The following CYYR1 variants were observed in gnomAD, a reference collection of about 807,000 sequenced individuals.
CYYR1 encodes cysteine and tyrosine rich 1.
Under a neutral mutation model 15.2 loss-of-function variants are expected in CYYR1, and 14 were observed. The ratio of observed to expected loss-of-function variants is 0.92; its 90% confidence interval spans 0.61 to 1.44. CYYR1 has a LOEUF of 1.44. CYYR1 is among the 40% of genes most tolerant of loss of function. The pLI is 0.00. For synonymous variants in CYYR1, 80 were observed against 77.4 expected, an observed-to-expected ratio of 1.03 and a Z score of -0.18; for missense variants, 228 against 209.5, an observed-to-expected ratio of 1.09 and a Z score of -0.54.
chr21:26,553,391 G>T (rs2123691166), intron 2 of CYYR1, among the ~76,000 whole-genome samples: 1 of 152,018 alleles, frequency 6.6e-6, no homozygotes, highest in East Asian at 1.9e-4. Flanking sequence ...ACCAAACTTG[G>T]GATTTTTTTA....
intron 2 of CYYR1, among the ~76,000 whole-genome samples, chr21:26,520,113 G>GAGATATATATATAT (rs1555908328): frequency 8.3e-6 from 1 of 120,670 alleles, no homozygotes; most frequent in African/African-American, 3.4e-5. Flanking sequence ...AAACCCAGGA[G>GAGATATATATATAT]ATATATATAT....
At chr21:26,518,705 C>G (rs1361435113) in intron 2 of CYYR1, 2 of 152,200 alleles carry the variant, frequency 1.3e-5, no homozygotes, top group Admixed American at 1.3e-4. Flanking sequence ...TTGATGGCAG[C>G]TCCATCATTT....
At chr21:26,513,125 C>T (rs563379662) in intron 2 of CYYR1, among the ~76,000 whole-genome samples, 1 of 152,322 alleles carries the variant, frequency 6.6e-6, no homozygotes, top group Admixed American at 6.5e-5. Context: ...GAAAGCCTAG[C>T]TCAAATGTTG....
At chr21:26,571,827 T>C (rs1316884017) in intron 1 of CYYR1, among the ~76,000 whole-genome samples, 2 of 152,212 alleles carry the variant, frequency 1.3e-5, no homozygotes. Context: ...GTCAGCATTT[T>C]TCCTGCCATA....
chr21:26,483,957 G>T (rs2065217780), intron 2 of CYYR1, among the ~76,000 whole-genome samples: 1 of 151,956 alleles, frequency 6.6e-6, no homozygotes, highest in Non-Finnish European at 1.5e-5. Context: ...TGGGTAAATA[G>T]GTCCTTATTC....
intron 1 of CYYR1, among the ~76,000 whole-genome samples, chr21:26,569,499 C>A (rs1373123823): frequency 6.6e-6 from 1 of 152,072 alleles, no homozygotes; most frequent in African/African-American, 2.4e-5. Context: ...GTATTCAATA[C>A]CTGGGTGACG....
At position 26,478,703 on chromosome 21, in the gene CYYR1, G is replaced by A. The variant is rs369768334; in HGVS notation, c.334+1569C>T. ...GAGAATAGACCCCAGGGGGCAAAGG[G>A]TGGATGCTGGGAGACCAGCCAGGAT... On this transcript the variant is annotated intron_variant, in intron 3 of 3. Coordinates refer to ENST00000652641, the MANE Select transcript of CYYR1 (RefSeq NM_001320768.2). 5.3e-5 allele frequency among the ~76,000 whole-genome samples: 8 copies of A among 152,246 alleles called. No individual in the cohort carries two copies. The East Asian group carries it at 9.7e-4, about 18-fold the overall frequency.
chr21:26,505,421 C>G (rs2065543451), intron 2 of CYYR1, among the ~76,000 whole-genome samples: 1 of 152,208 alleles, frequency 6.6e-6, no homozygotes, highest in Admixed American at 6.5e-5. Flanking sequence ...GCTTTGATAA[C>G]AGACAGACCC....
intron 2 of CYYR1, chr21:26,518,699 T>C (rs1279742700): frequency 1.3e-5 from 2 of 152,260 alleles, no homozygotes; most frequent in African/African-American, 4.8e-5. Context: ...CTTTTATTGA[T>C]GGCAGCTCCA....
chr21:26,551,799 T>A, intron 2 of CYYR1: 1 of 271,418 alleles, frequency 3.7e-6, no homozygotes, highest in Non-Finnish European at 7.4e-6. Context: ...GGATTTAGAA[T>A]ATTACATAAA....
At chr21:26,477,902 T>G (rs2065124341) in intron 3 of CYYR1, 2 of 1,302,080 alleles carry the variant, frequency 1.5e-6, no homozygotes, top group East Asian at 3.0e-5. Context: ...CCAATATTCT[T>G]GCAAGTTGGG....
chr21:26,535,266 T>A (rs577254476), intron 2 of CYYR1, among the ~76,000 whole-genome samples: 5 of 152,296 alleles, frequency 3.3e-5, no homozygotes, highest in African/African-American at 1.2e-4. Flanking sequence ...AAGTTAAAAT[T>A]ATTTTAAAAA....
intron 2 of CYYR1, chr21:26,483,448 A>G: frequency 1.0e-6 from 1 of 980,154 alleles, no homozygotes; most frequent in Non-Finnish European, 1.2e-6. Flanking sequence ...AGCTACTTGG[A>G]AGTTTAGTTT....
Position 26,567,154 on chromosome 21 carries a change from T to C in CYYR1, c.74-786A>G, listed in dbSNP as rs147904654. On this transcript the variant is annotated intron_variant, in intron 1 of 3. Transcript: ENST00000652641. ...TATATTTTTCCATGATAGTGCATTGTATGCTTTTCATTTGGTGACTTTTTT... is the reference window on the plus strand; with the variant it reads ...TATATTTTTCCATGATAGTGCATTGCATGCTTTTCATTTGGTGACTTTTTT... Among the ~76,000 whole-genome samples the C allele has an allele frequency of 1.5e-3, 202 of 130,498 alleles. 1 individual carries two copies. Among genetic ancestry groups the C allele is most frequent in the African/African-American group, 5.7e-3 (193 of 33,982 alleles). The allele number at this position is 130,498 out of a possible 152,430, so 85.6% of individuals were successfully genotyped here. A position where few individuals can be genotyped will look rare whatever the true frequency, so the allele number is the denominator to read the frequency against.
At position 26,466,327 on chromosome 21, in the gene CYYR1, TC is replaced by T. The variant is rs2064968082; in HGVS notation, c.*2173del. Reference sequence around the variant, plus strand: ...AAACTTTCACATCCTATACTATTTTTCCCCAAGAAGCATCATCTATGAAAAC... The same window carrying T: ...AAACTTTCACATCCTATACTATTTTTCCCAAGAAGCATCATCTATGAAAAC... On this transcript the variant is annotated 3_prime_UTR_variant, in exon 4 of 4. Transcript: ENST00000652641. The T allele has an allele frequency of 6.6e-6, 1 of 152,204 alleles. No individual in the cohort carries two copies. Among genetic ancestry groups the T allele is most frequent in the African/African-American group, 2.4e-5 (1 of 41,452 alleles). The allele number at this position is 152,204 out of a possible 1,614,324, so 9.4% of individuals were successfully genotyped here. A position where few individuals can be genotyped will look rare whatever the true frequency, so the allele number is the denominator to read the frequency against.
At chr21:26,506,750 T>A (rs222973) in intron 2 of CYYR1, 114,450 of 151,726 alleles carry the variant, frequency 0.75, 43,871 homozygotes, top group African/African-American at 0.88. Flanking sequence ...AGATGCATGG[T>A]CCTCCCATGG....
chr21:26,481,565 T>A (rs1164088194), intron 2 of CYYR1, among the ~76,000 whole-genome samples: 1 of 152,122 alleles, frequency 6.6e-6, no homozygotes, highest in Non-Finnish European at 1.5e-5. Context: ...GATCTTGTTC[T>A]TTTTTATGGC....
At chr21:26,477,761 T>C (rs1374980084) in intron 3 of CYYR1, 1 of 985,118 alleles carries the variant, frequency 1.0e-6, no homozygotes, top group Non-Finnish European at 1.2e-6. Flanking sequence ...TTAATGTCTT[T>C]GCTTGACTTT....
intron 3 of CYYR1, chr21:26,470,786 C>T (rs1359855791): frequency 6.6e-6 from 1 of 152,306 alleles, no homozygotes; most frequent in Admixed American, 6.5e-5. Flanking sequence ...ATGATTTGAA[C>T]CACTGACTGA....
Sources: allele counts gnomAD v4.1 joint callset (sites outside exome capture counted in the v4.1 genomes callset), GRCh38; gene constraint gnomAD v4.1.1; transcripts MANE v1.5; gene names NCBI Gene and HGNC (gene_info 2026-07-23, HGNC 2026-07-21).